Variants in CFAP299 observed in about 807,000 individuals in gnomAD.
CFAP299 encodes the protein cilia and flagella associated protein 299.
Under a neutral mutation model 27.0 loss-of-function variants are expected in CFAP299, and 21 were observed. The observed-to-expected ratio is 0.78, with a 90% CI of 0.55 to 1.12. The LOEUF (loss-of-function observed/expected upper bound fraction) is 1.12. Ranked by LOEUF, CFAP299 falls within the 50% of genes most tolerant of loss-of-function variation. The pLI is 0.00. For missense variants in CFAP299, 310 were observed against 276.6 expected (o/e 1.12, Z -0.86); for synonymous variants, 104 against 98.1 (o/e 1.06, Z -0.36).
chr4:80,542,856 A>G (rs1354808296), intron 2 of CFAP299, among the ~76,000 whole-genome samples: 2 of 151,862 alleles, frequency 1.3e-5, no homozygotes, highest in East Asian at 1.9e-4. Context: ...ATATTTGCCT[A>G]TGGTGCCCCT....
At chr4:80,767,240 T>A (rs908109783) in intron 3 of CFAP299, among the ~76,000 whole-genome samples, 32 of 152,166 alleles carry the variant, frequency 2.1e-4, no homozygotes, top group African/African-American at 7.7e-4. Context: ...TAATGGTGAC[T>A]ATTAATAAAT....
At chr4:80,576,676 G>A (rs1469771009) in intron 2 of CFAP299, among the ~76,000 whole-genome samples, 1 of 152,066 alleles carries the variant, frequency 6.6e-6, no homozygotes, top group East Asian at 1.9e-4. Flanking sequence ...TATAGATTTT[G>A]TATAATACAC....
intron 3 of CFAP299, among the ~76,000 whole-genome samples, chr4:80,726,892 G>T (rs1030125470): frequency 3.3e-5 from 5 of 151,826 alleles, no homozygotes; most frequent in Non-Finnish European, 7.4e-5. Flanking sequence ...TTTATCAATT[G>T]GTATTTTCTC....
intron 4 of CFAP299, among the ~76,000 whole-genome samples, chr4:80,940,197 A>C (rs941531228): frequency 2.6e-5 from 4 of 151,704 alleles, no homozygotes; most frequent in African/African-American, 7.3e-5. Context: ...ATATATGGCC[A>C]TATTTTGAGA....
intron 2 of CFAP299, among the ~76,000 whole-genome samples, chr4:80,466,799 C>T (rs1209497478): frequency 6.6e-6 from 1 of 152,206 alleles, no homozygotes; most frequent in Non-Finnish European, 1.5e-5. Flanking sequence ...CCTCTCACCC[C>T]ATGCTTTTGC....
intron 5 of CFAP299, among the ~76,000 whole-genome samples, chr4:80,961,389 T>C (rs1016232393): frequency 7.9e-5 from 12 of 151,970 alleles, no homozygotes; most frequent in African/African-American, 2.9e-4. Context: ...TTTAAAAACA[T>C]TTCTGAGTTT....
intron 3 of CFAP299, among the ~76,000 whole-genome samples, chr4:80,719,020 T>A (rs938845237): frequency 6.6e-6 from 1 of 152,146 alleles, no homozygotes; most frequent in East Asian, 1.9e-4. Flanking sequence ...GGGCCATTAT[T>A]CTTAGTAAAC....
At chr4:80,830,448 C>A (rs915546325) in intron 3 of CFAP299, among the ~76,000 whole-genome samples, 1 of 151,966 alleles carries the variant, frequency 6.6e-6, no homozygotes, top group Non-Finnish European at 1.5e-5. Flanking sequence ...AGAAGGAAAT[C>A]ATATACATAA....
intron 3 of CFAP299, among the ~76,000 whole-genome samples, chr4:80,610,205 A>G (rs1485611394): frequency 1.3e-5 from 2 of 152,208 alleles, no homozygotes; most frequent in African/African-American, 4.8e-5. Context: ...TGCTCTAAAA[A>G]AAATGACACT....
chr4:80,807,213 G>A (rs770787645), intron 3 of CFAP299, among the ~76,000 whole-genome samples: 2 of 152,050 alleles, frequency 1.3e-5, no homozygotes, highest in Non-Finnish European at 2.9e-5. Context: ...TGTATAATAA[G>A]GGTGATAAAT....
At chr4:80,884,110 A>G (rs1733853266) in intron 4 of CFAP299, among the ~76,000 whole-genome samples, 1 of 152,186 alleles carries the variant, frequency 6.6e-6, no homozygotes, top group Non-Finnish European at 1.5e-5. Context: ...AAGTAAGAAC[A>G]TGAGGCAATT....
chr4:80,738,551 C>G (rs913960674), intron 3 of CFAP299, among the ~76,000 whole-genome samples: 1 of 151,882 alleles, frequency 6.6e-6, no homozygotes, highest in Non-Finnish European at 1.5e-5. Flanking sequence ...GATAGCTGCT[C>G]CTGCTCTTTT....
intron 3 of CFAP299, among the ~76,000 whole-genome samples, chr4:80,674,931 T>C (rs1215354309): frequency 6.6e-6 from 1 of 152,214 alleles, no homozygotes; most frequent in Non-Finnish European, 1.5e-5. Context: ...TCTAATCTTT[T>C]TTCAAGGTTT....
chr4:80,769,159 AATAC>A (rs1209995590), intron 3 of CFAP299, among the ~76,000 whole-genome samples: 1 of 152,172 alleles, frequency 6.6e-6, no homozygotes, highest in Non-Finnish European at 1.5e-5. Context: ...AATAATGATA[AATAC>A]ATCTTGTTTA....
At chr4:80,780,531 A>G (rs1437428222) in intron 3 of CFAP299, among the ~76,000 whole-genome samples, 1 of 152,106 alleles carries the variant, frequency 6.6e-6, no homozygotes, top group Non-Finnish European at 1.5e-5. Flanking sequence ...TGATGTCCTC[A>G]GTATTTAAGA....
At chr4:80,565,291 A>G (rs764379052) in intron 2 of CFAP299, among the ~76,000 whole-genome samples, 2 of 152,090 alleles carry the variant, frequency 1.3e-5, no homozygotes, top group African/African-American at 4.8e-5. Context: ...ATCAAGTACT[A>G]TGTACCTAAA....
At chr4:80,799,848 A>T (rs1353063694) in intron 3 of CFAP299, among the ~76,000 whole-genome samples, 2 of 27,578 alleles carry the variant, frequency 7.3e-5, no homozygotes, top group African/African-American at 2.3e-4. Flanking sequence ...TATATTATAT[A>T]ATATATAAAT....
rs149893331 is a variant in CFAP299, at chr4:80,741,064, A to G, written c.334-128929A>G. ...ATGGCCTGGGTGATATCCAAGGTGC[A>G]AGACAAAATCCCCTTTACTTTTCCC... On this transcript the variant is annotated intron_variant, in intron 3 of 5. Coordinates refer to ENST00000358105, the MANE Select transcript of CFAP299 (RefSeq NM_152770.3). 4.9e-4 allele frequency among the ~76,000 whole-genome samples: 75 copies of G among 152,244 alleles called. No individual in the cohort carries two copies. In the East Asian group the frequency reaches 0.013, roughly 27 times the overall value.
chr4:80,541,686 T>C (rs116762479), intron 2 of CFAP299, among the ~76,000 whole-genome samples: 11 of 152,220 alleles, frequency 7.2e-5, no homozygotes, highest in South Asian at 2.1e-4. Flanking sequence ...TTGCTACTTA[T>C]TGGGTATACA....
Sources: allele counts gnomAD v4.1 joint callset (sites outside exome capture counted in the v4.1 genomes callset), GRCh38; gene constraint gnomAD v4.1.1; transcripts MANE v1.5; gene names NCBI Gene and HGNC (gene_info 2026-07-23, HGNC 2026-07-21).